Variants in MYO5C observed in about 807,000 individuals in gnomAD.
MYO5C encodes the protein unconventional myosin-Vc.
A neutral mutation model predicts 235.7 loss-of-function variants in MYO5C; 194 were observed. That is an observed-to-expected ratio of 0.82 (90% CI 0.73 to 0.93). MYO5C has a LOEUF of 0.93. MYO5C is among the 40% of genes least tolerant of loss of function. The pLI, the probability that MYO5C is intolerant of heterozygous loss-of-function variation, is 0.00. For missense variants in MYO5C, 2,038 were observed against 2,127.2 expected, an observed-to-expected ratio of 0.96 and a Z score of 0.82; for synonymous variants, 707 against 754.8, an observed-to-expected ratio of 0.94 and a Z score of 1.04.
chr15:52,274,536 C>T lies in MYO5C; in HGVS notation c.606+1026G>A, dbSNP rs371129777. Among the ~76,000 whole-genome samples, 25 of 152,268 alleles carry T rather than the reference C, an allele frequency of 1.6e-4. No individual in the cohort carries two copies. The South Asian group carries it at 5.0e-3, about 30-fold the overall frequency. ...TCAAGCAATCCACCCACCTCAGCCTCCCAAAGTGCAGGATTATAGATGTGA... is the reference window on the plus strand; with the variant it reads ...TCAAGCAATCCACCCACCTCAGCCTTCCAAAGTGCAGGATTATAGATGTGA... On this transcript the variant is annotated intron_variant, in intron 5 of 40. Coordinates refer to ENST00000261839, the MANE Select transcript of MYO5C (RefSeq NM_018728.4).
chr15:52,248,785 T>C lies in MYO5C; in HGVS notation c.1663-2A>G. ...GAAACCTTCACATTTATACTCTACC[T>C]ATACAGAGAAAGCAATTAATTATTC... On this transcript the variant is annotated splice_acceptor_variant, in intron 13 of 40. Transcript: ENST00000261839. LOFTEE classifies it high-confidence loss of function. 6.2e-7 allele frequency: 1 copy of C among 1,606,494 alleles called. No homozygotes were observed. Among genetic ancestry groups the C allele is most frequent in the Non-Finnish European group, 8.5e-7 (1 of 1,173,380 alleles).
chr15:52,235,518 G>T, intron 23 of MYO5C, 152 bp downstream of exon 23: 2 of 525,156 alleles, frequency 3.8e-6, no homozygotes, highest in Non-Finnish European at 6.8e-6. Flanking sequence ...AAGTTACCAC[G>T]ACTTAAATAT....
In MYO5C at chr15:52,246,930, T is replaced by A; in HGVS notation, c.1966A>T (p.Lys656Ter). ...YVRCIKPNDE[K>*]LPFEFDSKRI... is the part of the protein sequence containing the mutation. ...AAGAACACTTACTCAAAGGGTAACT[T>A]CTCATCATTTGGCTTGATGCATCGA... The change falls in exon 16 of 41, where the codon AAG (lysine) becomes TAG (stop). Residue 656 changes from lysine (K) to a stop codon, truncating the protein, a stop_gained. Transcript: ENST00000261839. LOFTEE classifies it high-confidence loss of function. 1 of 1,613,916 alleles carries A rather than the reference T, an allele frequency of 6.2e-7. No homozygotes were observed. Among genetic ancestry groups the A allele is most frequent in the Non-Finnish European group, 8.5e-7 (1 of 1,179,880 alleles).
chr15:52,218,217 T>G (rs1256249299), intron 32 of MYO5C, among the ~76,000 whole-genome samples: 2 of 152,178 alleles, frequency 1.3e-5, no homozygotes, highest in East Asian at 3.9e-4. Flanking sequence ...CTATCCTCAG[T>G]GTGTTCCAGA....
At chr15:52,288,127 A>G (rs905383991) in intron 1 of MYO5C, among the ~76,000 whole-genome samples, 6 of 152,164 alleles carry the variant, frequency 3.9e-5, no homozygotes, top group Non-Finnish European at 7.3e-5. Flanking sequence ...AGGCCAATCA[A>G]TCCTTTTGTT....
chr15:52,214,832 G>C (rs1157883865), intron 32 of MYO5C, 142 bp from the exon 33 acceptor site: 1 of 533,696 alleles, frequency 1.9e-6, no homozygotes, highest in Non-Finnish European at 3.2e-6. Flanking sequence ...AGGTTTTTTA[G>C]TGTAGTCAGA....
At position 52,221,267 on chromosome 15, in the gene MYO5C, A is replaced by C; in HGVS notation, c.3628-12T>G. 6.5e-7 allele frequency: 1 copy of C among 1,546,224 alleles called. No individual in the cohort carries two copies. The highest frequency in any genetic ancestry group is 2.2e-5 in the East Asian group (1 of 44,458). On this transcript the variant is annotated splice_polypyrimidine_tract_variant and intron_variant, in intron 29 of 40. Coordinates refer to ENST00000261839, the MANE Select transcript of MYO5C (RefSeq NM_018728.4). ...AAGTCTGGGATCATCTTTAGAGAAGAATTAGAAATATTAGAATATAAAATA... is the reference window on the plus strand; with the variant it reads ...AAGTCTGGGATCATCTTTAGAGAAGCATTAGAAATATTAGAATATAAAATA...
chr15:52,237,954 C>T (rs1254752367), intron 21 of MYO5C, among the ~76,000 whole-genome samples: 3 of 151,712 alleles, frequency 2.0e-5, no homozygotes, highest in African/African-American at 7.3e-5. Flanking sequence ...AAGTCCTAAC[C>T]CCTGAATTTA....
intron 36 of MYO5C, 90 bp downstream of exon 36, chr15:52,208,464 A>G: frequency 8.7e-7 from 1 of 1,151,362 alleles, no homozygotes; most frequent in South Asian, 1.4e-5. Context: ...CTCCTGGTGG[A>G]GAGGATAGAG....
At chr15:52,281,936 C>T (rs2037169787) in intron 2 of MYO5C, among the ~76,000 whole-genome samples, 1 of 152,210 alleles carries the variant, frequency 6.6e-6, no homozygotes, top group Non-Finnish European at 1.5e-5. Context: ...CTGCCCAGTT[C>T]TCTACCCAGA....
Position 52,229,154 on chromosome 15 carries a change from G to A in MYO5C, c.3186C>T (p.Ala1062=), listed in dbSNP as rs1179781183. 6.2e-7 allele frequency: 1 copy of A among 1,614,000 alleles called. No homozygotes were observed. The highest frequency in any genetic ancestry group is 1.3e-5 in the African/African-American group (1 of 74,924). The change falls in exon 25 of 41, where the codon GCC becomes GCT. Residue 1062 remains alanine, a synonymous_variant. Transcript: ENST00000261839. ...CTACCTTGACCTGCTTGCTCAGGCG[G>A]GCCACTTCCGCCTTCAAGCCATCAG... ...VTSDGLKAEV[A]RLSKQVKTIS... is the part of the protein sequence containing the mutation.
intron 24 of MYO5C, among the ~76,000 whole-genome samples, chr15:52,230,521 G>C (rs1330192193): frequency 6.6e-6 from 1 of 151,704 alleles, no homozygotes; most frequent in African/African-American, 2.4e-5. Context: ...TGATTCTCCT[G>C]CCTCAGCCTC....
Position 52,204,480 on chromosome 15 carries a change from A to C in MYO5C, c.4820+385T>G, listed in dbSNP as rs1298625634. ...AGTTGCCTTTCATTATTATTTAGCTATTCTGAGCTTCTCAAAGGCAGGGAT... is the reference window on the plus strand; with the variant it reads ...AGTTGCCTTTCATTATTATTTAGCTCTTCTGAGCTTCTCAAAGGCAGGGAT... On this transcript the variant is annotated intron_variant, in intron 38 of 40. Transcript: ENST00000261839. Among the ~76,000 whole-genome samples, 3 of 151,872 alleles carry C rather than the reference A, an allele frequency of 2.0e-5. No individual in the cohort carries two copies. The East Asian group carries it at 5.8e-4, about 29-fold the overall frequency.
intron 23 of MYO5C, 141 bp downstream of exon 23, chr15:52,235,529 G>GCTATTTT: frequency 1.7e-6 from 1 of 575,724 alleles, no homozygotes; most frequent in Non-Finnish European, 3.1e-6. Context: ...ACTTAAATAT[G>GCTATTTT]GCTATTCCTT....
intron 7 of MYO5C, among the ~76,000 whole-genome samples, chr15:52,271,517 T>G (rs1392352722): frequency 6.6e-6 from 1 of 152,022 alleles, no homozygotes; most frequent in Non-Finnish European, 1.5e-5. Flanking sequence ...GTGTGAGCCA[T>G]CACGCCAGGC....
intron 25 of MYO5C, among the ~76,000 whole-genome samples, chr15:52,226,185 A>G (rs528461370): frequency 1.2e-4 from 18 of 152,340 alleles, no homozygotes; most frequent in Admixed American, 9.2e-4. Flanking sequence ...ATGGATAATA[A>G]AATATTGAGT....
chr15:52,203,750 C>T (rs2035238938), intron 38 of MYO5C, among the ~76,000 whole-genome samples: 1 of 151,948 alleles, frequency 6.6e-6, no homozygotes, highest in Admixed American at 6.6e-5. Context: ...TTTTTTTGTA[C>T]CCATTAACCA....
chr15:52,249,832 C>G (rs2036434709), intron 13 of MYO5C, among the ~76,000 whole-genome samples: 1 of 152,230 alleles, frequency 6.6e-6, no homozygotes, highest in South Asian at 2.1e-4. Flanking sequence ...GCTGCTACAT[C>G]TAAGCTCAGC....
At chr15:52,224,314 TGATA>T (rs2035771129) in intron 28 of MYO5C, among the ~76,000 whole-genome samples, 1 of 152,160 alleles carries the variant, frequency 6.6e-6, no homozygotes, top group South Asian at 2.1e-4. Context: ...ATGTTCTGTA[TGATA>T]CTACAGTTGT....
Sources: allele counts gnomAD v4.1 joint callset (sites outside exome capture counted in the v4.1 genomes callset), GRCh38; gene constraint gnomAD v4.1.1; transcripts MANE v1.5; gene names NCBI Gene and HGNC (gene_info 2026-07-23, HGNC 2026-07-21).